RSRC2: variants seen among roughly 807,000 people sequenced by gnomAD.
The protein encoded by RSRC2 is arginine and serine rich coiled-coil 2, also known as arginine/serine-rich coiled-coil protein 2.
RSRC2 carries 5 observed loss-of-function variants against 61.3 expected under a neutral mutation model. The ratio of observed to expected loss-of-function variants is 0.08; its 90% confidence interval spans 0.04 to 0.17. The LOEUF is 0.17. Among genes scored for constraint, RSRC2 ranks in the 10% least tolerant of loss-of-function variants. The pLI is 1.00. For missense variants in RSRC2, 381 were observed against 518.8 expected (o/e 0.73, Z 2.58); for synonymous variants, 202 against 166.5 (o/e 1.21, Z -1.64).
At chr12:122,510,906 T>C (rs957691276) in intron 7 of RSRC2, among the ~76,000 whole-genome samples, 17 of 65,328 alleles carry the variant, frequency 2.6e-4, no homozygotes, top group African/African-American at 1.6e-3. Context: ...AAATTAGCCA[T>C]GCATGGTGAT....
At chr12:122,518,231 A>T (rs1395411753) in intron 4 of RSRC2, among the ~76,000 whole-genome samples, 1 of 151,934 alleles carries the variant, frequency 6.6e-6, no homozygotes, top group Non-Finnish European at 1.5e-5. Flanking sequence ...CCTGGAGGAC[A>T]AGAGGCTGCA....
intron 6 of RSRC2, chr12:122,514,759 GA>G: frequency 2.7e-6 from 3 of 1,117,576 alleles, no homozygotes; most frequent in Admixed American, 3.3e-5. Context: ...AAAAGTAAAG[GA>G]AAAGTCATCT....
intron 6 of RSRC2, among the ~76,000 whole-genome samples, chr12:122,513,236 TAAATAAATA>T (rs201139874): frequency 0.33 from 39,816 of 119,952 alleles, 6,648 homozygotes; most frequent in Non-Finnish European, 0.39. Context: ...AATAAATAAA[TAAATAAATA>T]AAATAAAATA....
chr12:122,522,267 T>C lies in RSRC2; in HGVS notation c.39A>G (p.Pro13=), dbSNP rs772220617. ...ASDTERDGLA[P]EKTSPDRDKK... is the part of the protein sequence containing the mutation. The stretch of plus-strand genomic sequence containing the variant: ...TATCTCTATCTGGTGATGTCTTTTC[T>C]GGGGCTAGTCCATCTCGCTCTGTAT... The change falls in exon 2 of 10, where the codon CCA becomes CCG. Residue 13 remains proline (P), a synonymous_variant. Coordinates refer to ENST00000331738, the MANE Select transcript of RSRC2 (RefSeq NM_023012.6). 5.6e-6 allele frequency: 9 copies of C among 1,613,706 alleles called. No homozygotes were observed. The highest frequency in any genetic ancestry group is 1.7e-5 in the Admixed American group (1 of 59,930).
Position 122,515,172 on chromosome 12 carries a change from T to G in RSRC2, c.658A>C (p.Thr220Pro). The G allele has an allele frequency of 6.2e-7, 1 of 1,614,058 alleles. No individual in the cohort carries two copies. Among genetic ancestry groups the G allele is most frequent in the South Asian group, 1.1e-5 (1 of 91,072 alleles). Residue 220 changes from threonine (T) to proline (P), a missense_variant, in exon 6 of 10, where the codon ACT becomes CCT. By Grantham distance (38) the Thr-to-Pro change is conservative. This residue lies in a region of RSRC2 where 266 missense variants were observed against 270.5 expected (regional missense o/e 0.98). Transcript: ENST00000331738. ...PRRFSRSLSRTPSPPPFRGRN... is the reference protein window; with the variant it reads ...PRRFSRSLSRPPSPPPFRGRN... ...CCTCTGAAGGGAGGTGGACTTGGAG[T>G]CCGGCTTAAACTTCTGCTAAATCTT...
intron 5 of RSRC2, among the ~76,000 whole-genome samples, chr12:122,516,715 C>T (rs1341868447): frequency 2.0e-5 from 3 of 152,136 alleles, no homozygotes; most frequent in Admixed American, 2.0e-4. Flanking sequence ...TTTGTTACGA[C>T]AGGATTCACT....
At chr12:122,513,747 G>C (rs1187992326) in intron 6 of RSRC2, 1 of 982,936 alleles carries the variant, frequency 1.0e-6, no homozygotes, top group East Asian at 1.1e-4. Context: ...AAGGTGAATG[G>C]AAAGAAGGGG....
At chr12:122,523,047 A>C (rs750250632) in intron 1 of RSRC2, 6 of 152,234 alleles carry the variant, frequency 3.9e-5, no homozygotes, top group Non-Finnish European at 8.8e-5. Context: ...AAATAAAATA[A>C]TTGATACACC....
At chr12:122,518,689 G>C in intron 4 of RSRC2, 150 bp downstream of exon 4, 2 of 690,038 alleles carry the variant, frequency 2.9e-6, no homozygotes, top group South Asian at 3.6e-5. Flanking sequence ...AGAAAGCAAA[G>C]CCCAAAGGCA....
chr12:122,518,136 A>G (rs527623083), intron 4 of RSRC2, among the ~76,000 whole-genome samples: 29 of 152,238 alleles, frequency 1.9e-4, no homozygotes, highest in South Asian at 2.1e-4. Context: ...GTCTCTACAA[A>G]AAAATACTAA....
intron 6 of RSRC2, among the ~76,000 whole-genome samples, chr12:122,511,473 C>T (rs918781283): frequency 6.6e-5 from 10 of 152,142 alleles, no homozygotes; most frequent in Admixed American, 3.9e-4. Context: ...AAAAAAATTA[C>T]GTCTTGCAAG....
At chr12:122,509,306 C>G (rs1399273329) in intron 7 of RSRC2, among the ~76,000 whole-genome samples, 1 of 151,856 alleles carries the variant, frequency 6.6e-6, no homozygotes, top group African/African-American at 2.4e-5. Flanking sequence ...AAAAATTAGC[C>G]AGGCGTGGTG....
chr12:122,508,180 AG>A (rs1958254650), intron 8 of RSRC2, 37 bp downstream of exon 8: 1 of 1,551,680 alleles, frequency 6.4e-7, no homozygotes, highest in African/African-American at 1.4e-5. Flanking sequence ...ATTACTAATT[AG>A]GAATAAACGA....
intron 3 of RSRC2, chr12:122,519,387 T>C (rs373800442): frequency 2.7e-5 from 4 of 147,136 alleles, no homozygotes; most frequent in Non-Finnish European, 6.1e-5. Context: ...GATTACATAA[T>C]GTTAAGTTTA....
intron 5 of RSRC2, 37 bp downstream of exon 5, chr12:122,517,190 G>A (rs1599748): frequency 0.53 from 846,824 of 1,609,038 alleles, 227,691 homozygotes; most frequent in Non-Finnish European, 0.54. Flanking sequence ...CTCTCTGAGG[G>A]TCCTATTAAA....
At chr12:122,505,823 G>A (rs1053419283) in intron 9 of RSRC2, 117 bp from the exon 10 acceptor site, 14 of 799,722 alleles carry the variant, frequency 1.8e-5, no homozygotes, top group East Asian at 5.4e-5. Flanking sequence ...CTGTTGTCCC[G>A]TCTGGAGTGC....
Position 122,515,201 on chromosome 12 carries a change from G to A in RSRC2, c.629C>T (p.Pro210Leu), listed in dbSNP as rs1300166123. 10 of 1,613,622 alleles carry A rather than the reference G, an allele frequency of 6.2e-6. No homozygotes were observed. The highest frequency in any genetic ancestry group is 6.8e-6 in the Non-Finnish European group (8 of 1,179,862). ...GCTTAAACTTCTGCTAAATCTTCTC[G>A]GCTTTTCAATTCTCTTCTTTCTATC... is the stretch of plus-strand genomic sequence containing the variant. ...SRDRKKRIEK[P>L]RRFSRSLSRT... Residue 210 changes from proline (P) to leucine (L), a missense_variant, in exon 6 of 10, where the codon CCG (proline) becomes CTG (leucine). Pro to Leu is a moderately conservative substitution (Grantham distance 98). Coordinates refer to ENST00000331738, the MANE Select transcript of RSRC2 (RefSeq NM_023012.6).
Position 122,505,376 on chromosome 12 carries a change from C to G in RSRC2, c.*151G>C, listed in dbSNP as rs141829241. 1 of 640,206 alleles carries G rather than the reference C, an allele frequency of 1.6e-6. No homozygotes were observed. The highest frequency in any genetic ancestry group is 2.6e-6 in the Non-Finnish European group (1 of 383,914). The allele number at this position is 640,206 out of a possible 1,614,324, so 39.7% of individuals were successfully genotyped here. A position where few individuals can be genotyped will look rare whatever the true frequency, so the allele number is the denominator to read the frequency against. On this transcript the variant is annotated 3_prime_UTR_variant, in exon 10 of 10. Transcript: ENST00000331738. Reference sequence around the variant, plus strand: ...GATTACAACACTAACACCAGTATCACTGATCTGATATTTACAAAAATTTGT... The same window carrying G: ...GATTACAACACTAACACCAGTATCAGTGATCTGATATTTACAAAAATTTGT...
intron 8 of RSRC2, chr12:122,507,860 G>T (rs1174752071): frequency 1.3e-5 from 4 of 297,580 alleles, no homozygotes; most frequent in Non-Finnish European, 2.6e-5. Context: ...TAAGTGGCAT[G>T]ATCTTGGCTC....
Sources: allele counts gnomAD v4.1 joint callset (sites outside exome capture counted in the v4.1 genomes callset), GRCh38; gene constraint gnomAD v4.1.1; regional missense constraint gnomAD v4.1.1; transcripts MANE v1.5; gene names NCBI Gene and HGNC (gene_info 2026-07-23, HGNC 2026-07-21).